Variants in KIAA1217 observed in about 807,000 individuals in gnomAD.
KIAA1217 encodes KIAA1217.
KIAA1217 carries 88 observed loss-of-function variants against 163.9 expected under a neutral mutation model. The observed-to-expected ratio is 0.54, with a 90% confidence interval of 0.45 to 0.64. The LOEUF (loss-of-function observed/expected upper bound fraction) is 0.64, where lower values mean the gene tolerates loss of function less well. KIAA1217 is among the 30% of genes least tolerant of loss of function. The probability of loss-of-function intolerance (pLI) is 0.00; values close to 1 mark genes in which losing one functional copy is unlikely to be tolerated. For missense variants in KIAA1217, 2,372 were observed against 2,475.0 expected, an observed-to-expected ratio of 0.96 and a Z score of 0.88; for synonymous variants, 903 against 923.1, an observed-to-expected ratio of 0.98 and a Z score of 0.39.
intron 2 of KIAA1217, among the ~76,000 whole-genome samples, chr10:24,108,575 T>C (rs1363184708): frequency 1.3e-5 from 2 of 152,206 alleles, no homozygotes; most frequent in African/African-American, 4.8e-5. Flanking sequence ...TCAGGAGTCA[T>C]CTTTTACTAA....
At chr10:24,427,257 A>T (rs1414309254) in intron 3 of KIAA1217, among the ~76,000 whole-genome samples, 2 of 146,604 alleles carry the variant, frequency 1.4e-5, no homozygotes, top group Non-Finnish European at 3.0e-5. Flanking sequence ...CTGTGATGGC[A>T]TTCCCTTCGG....
intron 1 of KIAA1217, among the ~76,000 whole-genome samples, chr10:23,710,768 A>G (rs567259293): frequency 4.6e-5 from 7 of 152,334 alleles, no homozygotes; most frequent in African/African-American, 1.7e-4. Flanking sequence ...GAATAGATAC[A>G]TCAGAAACAA....
At chr10:24,203,893 G>A (rs2067404694), upstream of KIAA1217, among the ~76,000 whole-genome samples, 1 of 152,222 alleles carries the variant, frequency 6.6e-6, no homozygotes, top group African/African-American at 2.4e-5. Flanking sequence ...TGACCAGAGG[G>A]CAGAGCTGAG....
chr10:24,506,315 C>G (rs1396722034), intron 9 of KIAA1217, among the ~76,000 whole-genome samples: 1 of 152,140 alleles, frequency 6.6e-6, no homozygotes, highest in Non-Finnish European at 1.5e-5. Context: ...ATTACATTAT[C>G]CATTGTTGGC....
At chr10:24,475,867 C>T (rs542881752) in intron 6 of KIAA1217, among the ~76,000 whole-genome samples, 2 of 152,252 alleles carry the variant, frequency 1.3e-5, no homozygotes, top group South Asian at 4.1e-4. Flanking sequence ...CTTTGGCAGG[C>T]TTTGAGGTGC....
At chr10:24,192,730 T>C (rs1304930797) in intron 2 of KIAA1217, among the ~76,000 whole-genome samples, 2 of 152,220 alleles carry the variant, frequency 1.3e-5, no homozygotes, top group African/African-American at 4.8e-5. Flanking sequence ...TTACAATGTC[T>C]GGGGTGGTGC....
chr10:23,706,985 C>T (rs1258659573), intron 1 of KIAA1217, among the ~76,000 whole-genome samples: 2 of 152,100 alleles, frequency 1.3e-5, no homozygotes, highest in Non-Finnish European at 2.9e-5. Context: ...AAGAATGTGT[C>T]CTGTTCTGTT....
At chr10:24,103,610 G>A (rs1372100003) in intron 2 of KIAA1217, among the ~76,000 whole-genome samples, 1 of 151,898 alleles carries the variant, frequency 6.6e-6, no homozygotes, top group African/African-American at 2.4e-5. Context: ...TGTCCCCAAA[G>A]AATATATACA....
intron 2 of KIAA1217, among the ~76,000 whole-genome samples, chr10:24,107,067 G>A (rs939891553): frequency 1.3e-5 from 2 of 152,130 alleles, no homozygotes; most frequent in East Asian, 3.9e-4. Context: ...CCCAATGTCT[G>A]TTGTTCCCTT....
chr10:24,544,587 G>T, intron 19 of KIAA1217, 106 bp downstream of exon 19: 3 of 1,358,510 alleles, frequency 2.2e-6, no homozygotes, highest in South Asian at 1.6e-5. Context: ...TCTTTCAGGT[G>T]GCTTTTTTTT....
rs182027468 is a variant in KIAA1217 at position 24,368,470 on chromosome 10, C to T, written c.355-12399C>T. ...CTTTCCTTTTCTTTCTTTTTTTTTC[C>T]ATATCAGCAAATAATTGGATATCTG... On this transcript the variant is annotated intron_variant, in intron 2 of 20. Transcript: ENST00000376454. 1.6e-4 allele frequency among the ~76,000 whole-genome samples: 24 copies of T among 151,412 alleles called. 1 individual carries two copies. Among genetic ancestry groups the T allele is most frequent in the Admixed American group, 1.6e-3 (24 of 15,202 alleles).
At chr10:23,791,185 A>T (rs1835931814) in intron 1 of KIAA1217, among the ~76,000 whole-genome samples, 1 of 152,224 alleles carries the variant, frequency 6.6e-6, no homozygotes, top group Non-Finnish European at 1.5e-5. Flanking sequence ...TAATAATCAT[A>T]TGATTTCTGG....
At chr10:24,423,816 A>G (rs1444624272) in intron 3 of KIAA1217, among the ~76,000 whole-genome samples, 3 of 152,190 alleles carry the variant, frequency 2.0e-5, no homozygotes, top group Non-Finnish European at 2.9e-5. Context: ...GATTACAGGC[A>G]TGAGCCACAG....
At chr10:24,290,888 C>T (rs1368122790) in intron 2 of KIAA1217, among the ~76,000 whole-genome samples, 1 of 152,152 alleles carries the variant, frequency 6.6e-6, no homozygotes, top group Non-Finnish European at 1.5e-5. Flanking sequence ...AGGCATGATC[C>T]ACCGTGCCTG....
rs551536182 is a variant in KIAA1217 at position 24,102,285 on chromosome 10, C to CATT, written c.-171+94912_-171+94914dup. Among the ~76,000 whole-genome samples the CATT allele has an allele frequency of 2.6e-3, 403 of 152,228 alleles. 2 individuals are homozygous for CATT. The highest frequency in any genetic ancestry group is 9.1e-3 in the African/African-American group (377 of 41,528). On this transcript the variant is annotated intron_variant, in intron 2 of 18. Transcript: ENST00000376462. The stretch of plus-strand genomic sequence containing the variant: ...AGACTTGAAATTAAAAACACAATGT[C>CATT]ATTTACATTAGCACCAAAAATTGAA...
At chr10:24,084,205 A>G (rs1228624622) in intron 2 of KIAA1217, among the ~76,000 whole-genome samples, 1 of 152,180 alleles carries the variant, frequency 6.6e-6, no homozygotes, top group Non-Finnish European at 1.5e-5. Context: ...TTTGTGCTAT[A>G]TTTTGACATA....
chr10:24,111,999 C>A (rs1196562434), intron 2 of KIAA1217, among the ~76,000 whole-genome samples: 1 of 152,060 alleles, frequency 6.6e-6, no homozygotes, highest in African/African-American at 2.4e-5. Context: ...CAGGGTCTCA[C>A]TATGTTGCCC....
chr10:24,260,559 G>A (rs1368229948), intron 2 of KIAA1217, among the ~76,000 whole-genome samples: 1 of 146,240 alleles, frequency 6.8e-6, no homozygotes, highest in African/African-American at 2.5e-5. Flanking sequence ...AGACGATCCT[G>A]GGCAACTTTG....
intron 1 of KIAA1217, among the ~76,000 whole-genome samples, chr10:23,950,766 T>C (rs1667144517): frequency 6.6e-6 from 1 of 152,156 alleles, no homozygotes; most frequent in South Asian, 2.1e-4. Flanking sequence ...TCTGAAAAAC[T>C]GTATATTTTA....
Sources: gnomAD v4.1 joint callset for allele counts (sites outside exome capture counted in the v4.1 genomes callset) on GRCh38, gnomAD v4.1.1 for gene constraint, MANE v1.5 for transcripts, NCBI Gene and HGNC (gene_info 2026-07-23, HGNC 2026-07-21) for gene names.